PPP4R4: variants seen among roughly 807,000 people sequenced by gnomAD.
PPP4R4 encodes the protein serine/threonine-protein phosphatase 4 regulatory subunit 4.
Under a neutral mutation model 121.8 loss-of-function variants are expected in PPP4R4, and 70 were observed. The ratio of observed to expected loss-of-function variants is 0.57; its 90% CI spans 0.47 to 0.70. PPP4R4 has a LOEUF of 0.70. Among genes scored for constraint, PPP4R4 ranks in the 30% least tolerant of loss-of-function variants. The probability of loss-of-function intolerance (pLI) is 0.00; values close to 1 mark genes in which losing one functional copy is unlikely to be tolerated. For missense variants in PPP4R4, 875 were observed against 1,033.6 expected (o/e 0.85, Z 2.10); for synonymous variants, 348 against 355.7 (o/e 0.98, Z 0.24).
At chr14:94,202,978 T>C (rs551490129) in intron 2 of PPP4R4, among the ~76,000 whole-genome samples, 48 of 98,094 alleles carry the variant, frequency 4.9e-4, no homozygotes, top group African/African-American at 1.4e-3. Context: ...CCAGACTCCA[T>C]CTCAAAAAAA....
intron 2 of PPP4R4, among the ~76,000 whole-genome samples, chr14:94,189,296 ACCCC>A (rs745944738): frequency 6.6e-6 from 1 of 151,810 alleles, no homozygotes; most frequent in South Asian, 2.1e-4. Context: ...TATTTCCAAG[ACCCC>A]CTTTTAGTTT....
At chr14:94,217,868 C>G (rs1595484904) in intron 3 of PPP4R4, among the ~76,000 whole-genome samples, 1 of 152,258 alleles carries the variant, frequency 6.6e-6, no homozygotes, top group East Asian at 1.9e-4. Context: ...GTGGCACATC[C>G]CCGTAATCCC....
chr14:94,266,298 A>AAGTT (rs779648432), intron 22 of PPP4R4, among the ~76,000 whole-genome samples: 11 of 152,252 alleles, frequency 7.2e-5, no homozygotes, highest in Admixed American at 2.0e-4. Context: ...TCATATGATA[A>AAGTT]AGTGATCACA....
chr14:94,225,906 T>G (rs774958037), intron 3 of PPP4R4, among the ~76,000 whole-genome samples: 4 of 152,186 alleles, frequency 2.6e-5, no homozygotes, highest in Non-Finnish European at 4.4e-5. Context: ...AGACTTTCCA[T>G]GGCTGCTTTT....
rs769784841 is a variant in PPP4R4, at chr14:94,245,631, T to G, written c.1389T>G (p.Leu463=). 6.2e-7 allele frequency: 1 copy of G among 1,600,476 alleles called. No homozygotes were observed. The highest frequency in any genetic ancestry group is 1.7e-5 in the Admixed American group (1 of 59,524). ...ATCATCTTCCAGAAATCTTGGAACT[T>G]ATGTCTACTGGTGGAGAAAGCAGTG... ...LIDHLPEILE[L]MSTGGESSVQ... is the part of the protein sequence containing the mutation. The change falls in exon 13 of 25, where the codon CTT becomes CTG. Residue 463 remains leucine (L), a synonymous_variant. Coordinates refer to ENST00000304338, the MANE Select transcript of PPP4R4 (RefSeq NM_058237.2).
At chr14:94,267,438 T>A (rs924262479) in intron 23 of PPP4R4, among the ~76,000 whole-genome samples, 2 of 152,176 alleles carry the variant, frequency 1.3e-5, no homozygotes, top group African/African-American at 4.8e-5. Context: ...GTCAGCACAT[T>A]TCCCTGAAGG....
intron 18 of PPP4R4, 50 bp downstream of exon 18, chr14:94,258,874 GA>G (rs34264166): frequency 6.8e-7 from 1 of 1,466,972 alleles, no homozygotes. Flanking sequence ...TCATGCTGCT[GA>G]AAAAGACATA....
At chr14:94,231,989 T>C (rs1255849062) in intron 5 of PPP4R4, among the ~76,000 whole-genome samples, 1 of 149,628 alleles carries the variant, frequency 6.7e-6, no homozygotes. Flanking sequence ...TCAGTTTCTC[T>C]TTATTCCTTT....
intron 20 of PPP4R4, 44 bp downstream of exon 20, chr14:94,264,991 A>G (rs1177145102): frequency 1.5e-6 from 2 of 1,341,966 alleles, no homozygotes; most frequent in South Asian, 1.3e-5. Context: ...TACATAATTA[A>G]TGTTGCATCC....
intron 11 of PPP4R4, among the ~76,000 whole-genome samples, chr14:94,244,058 T>TTTTC (rs1892765438): frequency 6.6e-6 from 1 of 152,068 alleles, no homozygotes; most frequent in Admixed American, 6.6e-5. Context: ...AAATTCACCA[T>TTTTC]TGTGGGCTCC....
rs1300972103 is a variant in PPP4R4 at position 94,265,427 on chromosome 14, C to T, written c.2238C>T (p.Asn746=). Reference sequence around the variant, plus strand: ...CACCAACGCAAAGTCTGCCCAAGAACATCCCCATTTCTGTTCCTGGACCCT... The same window carrying T: ...CACCAACGCAAAGTCTGCCCAAGAATATCCCCATTTCTGTTCCTGGACCCT... ...TKTPTQSLPK[N]IPISVPGPSS... Residue 746 remains asparagine, a synonymous_variant, in exon 21 of 25, where the codon AAC becomes AAT. Transcript: ENST00000304338. 5 of 1,613,344 alleles carry T rather than the reference C, an allele frequency of 3.1e-6. 1 individual carries two copies. In the South Asian group the frequency reaches 5.5e-5, roughly 18 times the overall value.
intron 19 of PPP4R4, among the ~76,000 whole-genome samples, chr14:94,261,870 T>C (rs1893802527): frequency 6.6e-6 from 1 of 152,020 alleles, no homozygotes; most frequent in Admixed American, 6.5e-5. Flanking sequence ...GGTAAACCAA[T>C]GTTGTCTTTT....
intron 3 of PPP4R4, among the ~76,000 whole-genome samples, chr14:94,223,742 C>G (rs886990723): frequency 6.6e-6 from 1 of 152,126 alleles, no homozygotes; most frequent in Non-Finnish European, 1.5e-5. Context: ...ATTAGAGTTA[C>G]CTAGTCTGCC....
At chr14:94,226,565 C>T (rs1254367352) in intron 3 of PPP4R4, among the ~76,000 whole-genome samples, 1 of 151,968 alleles carries the variant, frequency 6.6e-6, no homozygotes, top group Non-Finnish European at 1.5e-5. Flanking sequence ...TTCAATTATT[C>T]ATATTTAACC....
At chr14:94,207,085 A>G (rs536522328) in intron 2 of PPP4R4, among the ~76,000 whole-genome samples, 27 of 152,146 alleles carry the variant, frequency 1.8e-4, no homozygotes, top group Non-Finnish European at 3.4e-4. Flanking sequence ...TAGGGCCTAG[A>G]TAGTTTGGAT....
intron 9 of PPP4R4, 147 bp from the exon 10 acceptor site, chr14:94,241,641 C>T (rs1238374240): frequency 1.6e-6 from 1 of 614,696 alleles, no homozygotes; most frequent in Non-Finnish European, 2.7e-6. Flanking sequence ...AACAGATACT[C>T]TTTTCATGTT....
chr14:94,226,505 G>A (rs535136409), intron 3 of PPP4R4, among the ~76,000 whole-genome samples: 4 of 152,218 alleles, frequency 2.6e-5, no homozygotes, highest in African/African-American at 9.6e-5. Context: ...ATCAGGGATA[G>A]GGAAAATGAT....
chr14:94,246,458 T>C lies in PPP4R4; in HGVS notation c.1530T>C (p.Tyr510=). 3 of 1,614,082 alleles carry C rather than the reference T, an allele frequency of 1.9e-6. No homozygotes were observed. Among genetic ancestry groups the C allele is most frequent in the Non-Finnish European group, 2.5e-6 (3 of 1,179,916 alleles). Residue 510 remains tyrosine (Y), a synonymous_variant, in exon 14 of 25, where the codon TAT becomes TAC. Coordinates refer to ENST00000304338, the MANE Select transcript of PPP4R4 (RefSeq NM_058237.2). ...CTCATGAGAAGCTACTTCAGAAATA[T>C]GCCTGCCTGCCACATGTCATATCAA... ...WRTHEKLLQK[Y]ACLPHVISSD...
chr14:94,175,964 C>G lies in PPP4R4; in HGVS notation c.118-90C>G, dbSNP rs1038637990. The G allele has an allele frequency of 1.1e-5, 11 of 981,324 alleles. No homozygotes were observed. The African/African-American group carries it at 1.8e-4, about 16-fold the overall frequency. 60.8% of individuals were successfully genotyped at this position (981,324 alleles called of 1,614,324 possible). On this transcript the variant is annotated intron_variant, in intron 1 of 24. Coordinates refer to ENST00000304338, the MANE Select transcript of PPP4R4 (RefSeq NM_058237.2). Reference sequence around the variant, plus strand: ...TGCTTAATTGTGAAACTTTTTCATTCGTTTATCCTCATAGAGGGTCACTGG... The same window carrying G: ...TGCTTAATTGTGAAACTTTTTCATTGGTTTATCCTCATAGAGGGTCACTGG...
Sources: allele counts gnomAD v4.1 joint callset (sites outside exome capture counted in the v4.1 genomes callset), GRCh38; gene constraint gnomAD v4.1.1; transcripts MANE v1.5; gene names NCBI Gene and HGNC (gene_info 2026-07-23, HGNC 2026-07-21).